Variants in LRRTM4 observed in about 807,000 individuals in gnomAD.
The protein encoded by LRRTM4 is leucine-rich repeat transmembrane neuronal protein 4.
In LRRTM4, 25 loss-of-function variants were observed where a neutral mutation model predicts 47.6. That is an observed-to-expected ratio of 0.53 (90% CI 0.38 to 0.73). LRRTM4 has a LOEUF of 0.73. Among genes scored for constraint, LRRTM4 ranks in the 30% least tolerant of loss-of-function variants. The probability of loss-of-function intolerance (pLI) is 0.00; values close to 1 mark genes in which losing one functional copy is unlikely to be tolerated. For missense variants in LRRTM4, 638 were observed against 713.4 expected (o/e 0.89, Z 1.20); for synonymous variants, 311 against 269.5 (o/e 1.15, Z -1.51).
At chr2:77,388,213 A>G (rs1261682971) in intron 3 of LRRTM4, among the ~76,000 whole-genome samples, 1 of 152,120 alleles carries the variant, frequency 6.6e-6, no homozygotes, top group Admixed American at 6.6e-5. Context: ...TTTAGGTTCT[A>G]CGTGTGGAGA....
chr2:77,050,407 T>A (rs1375614378), intron 3 of LRRTM4, among the ~76,000 whole-genome samples: 1 of 152,128 alleles, frequency 6.6e-6, no homozygotes, highest in Non-Finnish European at 1.5e-5. Context: ...TTTAGCCCAA[T>A]CCCCTCAACT....
intron 3 of LRRTM4, among the ~76,000 whole-genome samples, chr2:77,384,860 G>T (rs1673202438): frequency 6.6e-6 from 1 of 152,032 alleles, no homozygotes; most frequent in South Asian, 2.1e-4. Flanking sequence ...ACTTTATCTT[G>T]CTATAAGCTA....
At chr2:77,285,445 C>T (rs7557290) in intron 3 of LRRTM4, among the ~76,000 whole-genome samples, 32,791 of 147,752 alleles carry the variant, frequency 0.22, 9,084 homozygotes, top group African/African-American at 0.66. Flanking sequence ...AAGAGAAATA[C>T]TAAAAATAGA....
At chr2:77,363,621 T>C (rs1672323879) in intron 3 of LRRTM4, among the ~76,000 whole-genome samples, 1 of 152,208 alleles carries the variant, frequency 6.6e-6, no homozygotes, top group African/African-American at 2.4e-5. Flanking sequence ...TCCGAAATTC[T>C]ATTCTGATTC....
intron 3 of LRRTM4, among the ~76,000 whole-genome samples, chr2:77,341,600 C>A (rs755789823): frequency 1.3e-5 from 2 of 151,996 alleles, no homozygotes; most frequent in African/African-American, 4.8e-5. Context: ...ACGCATGCTG[C>A]GGTTTAGCGT....
In LRRTM4 at chr2:77,521,782, T is replaced by C; in HGVS notation, c.-111A>G. ...CACAGTGCGGCTGTCATTCACACCA[T>C]TCTGATCCCGCATGTGAGCTAGTAG... On this transcript the variant is annotated 5_prime_UTR_variant, in exon 2 of 4. It removes an upstream start codon present in the reference 5' UTR. Coordinates refer to ENST00000409884, the MANE Select transcript of LRRTM4 (RefSeq NM_001134745.3). 1.7e-6 allele frequency: 2 copies of C among 1,193,666 alleles called. No homozygotes were observed. The highest frequency in any genetic ancestry group is 2.6e-5 in the South Asian group (2 of 78,332). 73.9% of individuals were successfully genotyped at this position (1,193,666 alleles called of 1,614,324 possible).
At chr2:77,373,118 C>CAT (rs1672713877) in intron 3 of LRRTM4, among the ~76,000 whole-genome samples, 1 of 143,686 alleles carries the variant, frequency 7.0e-6, no homozygotes, top group African/African-American at 2.5e-5. Flanking sequence ...TACGCACACA[C>CAT]ATATATATAC....
At chr2:77,362,178 G>A (rs150089450) in intron 3 of LRRTM4, among the ~76,000 whole-genome samples, 2,925 of 108,754 alleles carry the variant, frequency 0.027, 41 homozygotes, top group Non-Finnish European at 0.042. Flanking sequence ...AGAAAGGAAG[G>A]AAGGAAGAGT....
intron 3 of LRRTM4, among the ~76,000 whole-genome samples, chr2:77,050,128 C>CTTTTTTTTTT (rs745419725): frequency 8.9e-5 from 10 of 112,694 alleles, no homozygotes; most frequent in African/African-American, 3.2e-4. Flanking sequence ...AGAACCAAGT[C>CTTTTTTTTTT]TTTTTTTTTT....
chr2:77,037,607 T>G (rs1678880348), intron 3 of LRRTM4, among the ~76,000 whole-genome samples: 1 of 151,712 alleles, frequency 6.6e-6, no homozygotes, highest in Non-Finnish European at 1.5e-5. Context: ...CTCATGCAAA[T>G]AGGATGCACA....
At chr2:77,410,485 C>T (rs1421259229) in intron 3 of LRRTM4, among the ~76,000 whole-genome samples, 1 of 152,050 alleles carries the variant, frequency 6.6e-6, no homozygotes, top group Non-Finnish European at 1.5e-5. Context: ...TAGGAAGCAC[C>T]AGCTAACACC....
chr2:76,958,277 A>C (rs187767899), intron 3 of LRRTM4, among the ~76,000 whole-genome samples: 4 of 151,888 alleles, frequency 2.6e-5, no homozygotes, highest in Admixed American at 2.6e-4. Flanking sequence ...AACAATAAAA[A>C]ACTATGACAG....
chr2:77,108,572 A>T (rs895116196), intron 3 of LRRTM4, among the ~76,000 whole-genome samples: 10 of 145,894 alleles, frequency 6.9e-5, no homozygotes, highest in Non-Finnish European at 1.5e-4. Flanking sequence ...AAAGAACACA[A>T]ACATTCTTTT....
intron 3 of LRRTM4, among the ~76,000 whole-genome samples, chr2:76,896,601 T>C (rs991979777): frequency 5.3e-5 from 8 of 151,980 alleles, no homozygotes; most frequent in Admixed American, 4.6e-4. Context: ...TACTTGTCAA[T>C]TGTTTAGAGA....
At chr2:76,757,992 CAG>C (rs1355592127) in intron 3 of LRRTM4, among the ~76,000 whole-genome samples, 1 of 152,134 alleles carries the variant, frequency 6.6e-6, no homozygotes, top group Non-Finnish European at 1.5e-5. Flanking sequence ...ATCGGCATTA[CAG>C]AGTTTTCCAT....
intron 3 of LRRTM4, among the ~76,000 whole-genome samples, chr2:77,095,152 G>C (rs1439022955): frequency 6.6e-6 from 1 of 152,126 alleles, no homozygotes; most frequent in Non-Finnish European, 1.5e-5. Flanking sequence ...ATATCCAACA[G>C]ATATATGAAA....
intron 3 of LRRTM4, among the ~76,000 whole-genome samples, chr2:77,450,713 C>T (rs1008096584): frequency 1.3e-5 from 2 of 152,052 alleles, no homozygotes; most frequent in African/African-American, 4.8e-5. Context: ...CTACATCTCC[C>T]CAGTTCAATT....
At chr2:77,372,709 C>G (rs1672695402) in intron 3 of LRRTM4, among the ~76,000 whole-genome samples, 1 of 151,638 alleles carries the variant, frequency 6.6e-6, no homozygotes, top group Non-Finnish European at 1.5e-5. Context: ...GGAAAATATA[C>G]TGTTGTAGTT....
chr2:77,191,308 C>T lies in LRRTM4; in HGVS notation c.1551+327010G>A, dbSNP rs534424170. Among the ~76,000 whole-genome samples the T allele has an allele frequency of 4.0e-5, 6 of 151,834 alleles. No individual in the cohort carries two copies. The South Asian group carries it at 1.2e-3, about 31-fold the overall frequency. Reference sequence around the variant, plus strand: ...AAAAGAAACAAAATCTTAAATAAGGCTAATAAATCAAAAATAACAAGAACA... The same window carrying T: ...AAAAGAAACAAAATCTTAAATAAGGTTAATAAATCAAAAATAACAAGAACA... On this transcript the variant is annotated intron_variant, in intron 3 of 3. Transcript: ENST00000409884.
Sources: gnomAD v4.1 joint callset for allele counts (sites outside exome capture counted in the v4.1 genomes callset) on GRCh38, gnomAD v4.1.1 for gene constraint, MANE v1.5 for transcripts, NCBI Gene and HGNC (gene_info 2026-07-23, HGNC 2026-07-21) for gene names.